Variants in ATE1 observed in about 807,000 individuals in gnomAD.
ATE1 encodes the protein arginyl-tRNA--protein transferase 1.
Under a neutral mutation model 70.5 loss-of-function variants are expected in ATE1, and 36 were observed. That is an observed-to-expected ratio of 0.51 (90% CI 0.39 to 0.67). The LOEUF is 0.67. Among genes scored for constraint, ATE1 ranks in the 30% least tolerant of loss-of-function variants. ATE1 has a pLI of 0.00. For missense variants in ATE1, 593 were observed against 629.5 expected (o/e 0.94, Z 0.62); for synonymous variants, 232 against 219.3 (o/e 1.06, Z -0.51).
intron 7 of ATE1, among the ~76,000 whole-genome samples, chr10:121,894,044 G>A (rs1950676084): frequency 6.6e-6 from 1 of 151,802 alleles, no homozygotes; most frequent in Non-Finnish European, 1.5e-5. Flanking sequence ...GGCTGAGGCA[G>A]GAGAATCACT....
At chr10:121,910,343 T>A (rs575321713) in intron 5 of ATE1, among the ~76,000 whole-genome samples, 5 of 152,200 alleles carry the variant, frequency 3.3e-5, no homozygotes, top group Non-Finnish European at 7.3e-5. Context: ...AAGAGTCATA[T>A]ACACACATAT....
intron 6 of ATE1, among the ~76,000 whole-genome samples, chr10:121,900,198 G>T (rs567038920): frequency 6.6e-6 from 1 of 152,094 alleles, no homozygotes; most frequent in Non-Finnish European, 1.5e-5. Context: ...AGAAGAGGAC[G>T]ATCCCCTCTA....
intron 11 of ATE1, among the ~76,000 whole-genome samples, chr10:121,768,485 G>GA (rs1945368540): frequency 6.6e-6 from 1 of 152,050 alleles, no homozygotes; most frequent in African/African-American, 2.4e-5. Context: ...GGGGAGGGGG[G>GA]AATCACTCAG....
At chr10:121,842,450 T>C (rs931253444) in intron 8 of ATE1, among the ~76,000 whole-genome samples, 8 of 151,920 alleles carry the variant, frequency 5.3e-5, no homozygotes, top group African/African-American at 1.9e-4. Context: ...GAGAATTATA[T>C]GAATAAAAGC....
chr10:121,826,509 T>C (rs1055891774), intron 10 of ATE1, among the ~76,000 whole-genome samples: 2 of 152,330 alleles, frequency 1.3e-5, no homozygotes, highest in South Asian at 2.1e-4. Context: ...GGTTTCACCA[T>C]GTTGGCCAGG....
chr10:121,909,599 G>A (rs1363929334), intron 5 of ATE1, among the ~76,000 whole-genome samples: 1 of 152,134 alleles, frequency 6.6e-6, no homozygotes, highest in African/African-American at 2.4e-5. Flanking sequence ...GTACATGGAA[G>A]TCGATTATAC....
intron 10 of ATE1, among the ~76,000 whole-genome samples, chr10:121,819,679 C>CAAAA (rs57035123): frequency 0.5 from 26,068 of 52,602 alleles, 9,806 homozygotes; most frequent in Non-Finnish European, 0.6. Flanking sequence ...AAGACTGTCT[C>CAAAA]AAAAAAAAAA....
At chr10:121,876,852 G>A (rs1950068322) in intron 7 of ATE1, among the ~76,000 whole-genome samples, 1 of 151,930 alleles carries the variant, frequency 6.6e-6, no homozygotes, top group Non-Finnish European at 1.5e-5. Flanking sequence ...TGTAGTCCCA[G>A]CTACTCGGGA....
chr10:121,899,872 T>C lies in ATE1; in HGVS notation c.936A>G (p.Glu312=). ...TTACACTTGGCCTGCTGACCTGGCTTTCGGTTGGCGTATCAGGTGGGTTCT... is the reference window on the plus strand; with the variant it reads ...TTACACTTGGCCTGCTGACCTGGCTCTCGGTTGGCGTATCAGGTGGGTTCT... ...IHKNPPDTPT[E]SQFTRFLCSS... Residue 312 remains glutamate, a synonymous_variant, in exon 7 of 12, where the codon GAA becomes GAG. Transcript: ENST00000224652. The C allele has an allele frequency of 6.2e-7, 1 of 1,612,172 alleles. No individual in the cohort carries two copies.
intron 2 of ATE1, among the ~76,000 whole-genome samples, chr10:121,923,268 G>A (rs567800159): frequency 8.5e-5 from 13 of 152,248 alleles, no homozygotes; most frequent in South Asian, 6.2e-4. Context: ...CCAGATGTTC[G>A]AGACCAGCAC....
chr10:121,760,960 G>C (rs1258188849), intron 11 of ATE1, among the ~76,000 whole-genome samples: 1 of 152,228 alleles, frequency 6.6e-6, no homozygotes, highest in Non-Finnish European at 1.5e-5. Context: ...AGCCCAGTGG[G>C]AGGTGTTTGG....
At chr10:121,900,037 T>G (rs1415722481) in intron 6 of ATE1, 43 bp from the exon 7 acceptor site, 4 of 1,606,066 alleles carry the variant, frequency 2.5e-6, no homozygotes, top group Non-Finnish European at 3.4e-6. Flanking sequence ...ATTCATTCAT[T>G]TATTCATTCT....
chr10:121,863,723 C>T (rs745358981), intron 8 of ATE1, among the ~76,000 whole-genome samples: 7 of 152,270 alleles, frequency 4.6e-5, no homozygotes, highest in Non-Finnish European at 7.4e-5. Flanking sequence ...GATCTTCCCA[C>T]CTCAGTCTCT....
chr10:121,865,758 A>G (rs1238401635), intron 8 of ATE1, among the ~76,000 whole-genome samples: 1 of 152,216 alleles, frequency 6.6e-6, no homozygotes, highest in Admixed American at 6.5e-5. Context: ...ACAGGAATGT[A>G]AAAGGGTCAG....
chr10:121,898,931 G>A lies in ATE1; in HGVS notation c.942+935C>T, dbSNP rs759157735. ...AAAAGGACTGGCTGAAAGACGACTT[G>A]AACTCTGGGTCCTCAAAGGAGACAG... is the stretch of plus-strand genomic sequence containing the variant. On this transcript the variant is annotated intron_variant, in intron 7 of 11. Coordinates refer to ENST00000224652, the MANE Select transcript of ATE1 (RefSeq NM_001001976.3). 3.1e-6 allele frequency: 5 copies of A among 1,613,880 alleles called. No individual in the cohort carries two copies. In the South Asian group the frequency reaches 5.5e-5, roughly 18 times the overall value.
intron 11 of ATE1, among the ~76,000 whole-genome samples, chr10:121,789,506 C>A (rs551014289): frequency 6.6e-6 from 1 of 151,874 alleles, no homozygotes; most frequent in East Asian, 1.9e-4. Flanking sequence ...ACCATGTTGG[C>A]CAGGCTGGTC....
At position 121,899,032 on chromosome 10, in the gene ATE1, G is replaced by A. The variant is rs924753975; in HGVS notation, c.942+834C>T. 2.6e-5 allele frequency: 40 copies of A among 1,564,550 alleles called. No individual in the cohort carries two copies. In the African/African-American group the frequency reaches 4.8e-4, roughly 19 times the overall value. On this transcript the variant is annotated intron_variant, in intron 7 of 11. Coordinates refer to ENST00000224652, the MANE Select transcript of ATE1 (RefSeq NM_001001976.3). ...ACATCTCTGATGATATGCTTCTGAA[G>A]GTGAGGCTACAGTAAGATCTCCACA...
intron 10 of ATE1, among the ~76,000 whole-genome samples, chr10:121,812,441 A>T (rs1052826542): frequency 3.9e-5 from 6 of 152,168 alleles, no homozygotes; most frequent in Non-Finnish European, 8.8e-5. Context: ...AAGAAGGAGG[A>T]GGAGGATGTC....
At chr10:121,820,154 A>AAAAT (rs539613199) in intron 10 of ATE1, among the ~76,000 whole-genome samples, 14 of 152,142 alleles carry the variant, frequency 9.2e-5, no homozygotes, top group African/African-American at 2.2e-4. Context: ...AAAATAAACA[A>AAAAT]AAATAAATAA....
Sources: gnomAD v4.1 joint callset for allele counts (sites outside exome capture counted in the v4.1 genomes callset) on GRCh38, gnomAD v4.1.1 for gene constraint, MANE v1.5 for transcripts, NCBI Gene and HGNC (gene_info 2026-07-23, HGNC 2026-07-21) for gene names.